Variants in SMYD1 observed in about 807,000 individuals in gnomAD.
SMYD1 encodes histone-lysine N-methyltransferase SMYD1.
Under a neutral mutation model 54.0 loss-of-function variants are expected in SMYD1, and 49 were observed. That is an observed-to-expected ratio of 0.91 (90% confidence interval 0.72 to 1.15). The LOEUF (loss-of-function observed/expected upper bound fraction) is 1.15. Among genes scored for constraint, SMYD1 ranks in the 50% most tolerant of loss-of-function variants. The pLI is 0.00. For synonymous variants in SMYD1, 269 were observed against 234.2 expected (o/e 1.15, Z -1.36); for missense variants, 653 against 639.6 (o/e 1.02, Z -0.23).
intron 1 of SMYD1, among the ~76,000 whole-genome samples, chr2:88,083,389 G>A (rs957695846): frequency 2.0e-5 from 3 of 151,908 alleles, no homozygotes; most frequent in Non-Finnish European, 2.9e-5. Context: ...TGGGATACAC[G>A]GGGCTCTCTA....
rs768292668 is a variant in SMYD1 at position 88,112,128 on chromosome 2, C to A, written c.*1616C>A. On this transcript the variant is annotated 3_prime_UTR_variant, in exon 10 of 10. Coordinates refer to ENST00000419482, the MANE Select transcript of SMYD1 (RefSeq NM_198274.4). ...TTTTACAAGAAGACTGATAGTCTTTCAAGCCCCCACATCACAGGCTTAGGG... is the reference window on the plus strand; with the variant it reads ...TTTTACAAGAAGACTGATAGTCTTTAAAGCCCCCACATCACAGGCTTAGGG... The A allele has an allele frequency of 6.5e-5, 46 of 703,300 alleles. 2 individuals are homozygous for A. Among genetic ancestry groups the A allele is most frequent in the South Asian group, 6.5e-4 (44 of 67,600 alleles). The allele number at this position is 703,300 out of a possible 1,614,324, so 43.6% of individuals were successfully genotyped here. A position where few individuals can be genotyped will look rare whatever the true frequency, so the allele number is the denominator to read the frequency against.
At position 88,106,424 on chromosome 2, in the gene SMYD1, C is replaced by A; in HGVS notation, c.1081C>A (p.Leu361Ile). ...GATGCTGAGCATTGTTTCGGAGGTCCTTTCCTACCTCCAGGCCTTTGAGGA... is the reference window on the plus strand; with the variant it reads ...GATGCTGAGCATTGTTTCGGAGGTCATTTCCTACCTCCAGGCCTTTGAGGA... ...LRMLSIVSEVLSYLQAFEEAS... is the reference protein window; with the variant it reads ...LRMLSIVSEVISYLQAFEEAS... Residue 361 changes from leucine (L) to isoleucine (I), a missense_variant, in exon 8 of 10, where the codon CTT becomes ATT. By Grantham distance (5) the Leu-to-Ile change is conservative. Coordinates refer to ENST00000419482, the MANE Select transcript of SMYD1 (RefSeq NM_198274.4). 1.2e-6 allele frequency: 2 copies of A among 1,614,142 alleles called. No homozygotes were observed. The highest frequency in any genetic ancestry group is 1.7e-6 in the Non-Finnish European group (2 of 1,180,036).
At chr2:88,099,222 G>C (rs913291690) in intron 6 of SMYD1, among the ~76,000 whole-genome samples, 1 of 152,090 alleles carries the variant, frequency 6.6e-6, no homozygotes, top group Non-Finnish European at 1.5e-5. Context: ...GAGTAGCTGG[G>C]ACCATGGTGC....
chr2:88,102,626 G>T (rs1674745229), intron 6 of SMYD1, among the ~76,000 whole-genome samples: 1 of 152,200 alleles, frequency 6.6e-6, no homozygotes. Flanking sequence ...GTGCTGGCTG[G>T]TATTTAAATC....
At chr2:88,091,432 A>G (rs1304580695) in intron 4 of SMYD1, among the ~76,000 whole-genome samples, 1 of 152,238 alleles carries the variant, frequency 6.6e-6, no homozygotes, top group Non-Finnish European at 1.5e-5. Context: ...GCCTAGGATT[A>G]TCTGTCTAGA....
chr2:88,096,266 C>T (rs765765024), intron 5 of SMYD1, among the ~76,000 whole-genome samples: 3 of 152,198 alleles, frequency 2.0e-5, no homozygotes, highest in Non-Finnish European at 4.4e-5. Context: ...TACAGACAAT[C>T]AGTAGCTAAA....
At chr2:88,104,324 C>T (rs1674806457) in intron 7 of SMYD1, among the ~76,000 whole-genome samples, 1 of 152,194 alleles carries the variant, frequency 6.6e-6, no homozygotes, top group African/African-American at 2.4e-5. Flanking sequence ...TCATTTATTG[C>T]ACATTTCTAA....
chr2:88,096,202 T>A (rs1674581683), intron 5 of SMYD1, among the ~76,000 whole-genome samples: 1 of 152,174 alleles, frequency 6.6e-6, no homozygotes, highest in Admixed American at 6.5e-5. Flanking sequence ...AGAAAATATT[T>A]TTAGGTTTTT....
intron 1 of SMYD1, among the ~76,000 whole-genome samples, chr2:88,075,562 GGGTCTC>G (rs1674043249): frequency 9.8e-6 from 1 of 102,378 alleles, no homozygotes; most frequent in Non-Finnish European, 2.2e-5. Flanking sequence ...TTTTGAGATA[GGGTCTC>G]ACTCTGTTGG....
chr2:88,076,871 G>A (rs1365611279), intron 1 of SMYD1, among the ~76,000 whole-genome samples: 5 of 152,140 alleles, frequency 3.3e-5, no homozygotes, highest in African/African-American at 1.2e-4. Flanking sequence ...AACAAGCCAA[G>A]CGTGGTGGCA....
intron 1 of SMYD1, among the ~76,000 whole-genome samples, chr2:88,077,930 G>A (rs1674106684): frequency 6.6e-6 from 1 of 152,004 alleles, no homozygotes; most frequent in African/African-American, 2.4e-5. Context: ...TCACTATGTT[G>A]GCCAGGCTGG....
rs1270039855 is a variant in SMYD1 at position 88,106,334 on chromosome 2, T to C, written c.991T>C (p.Leu331=). 6.2e-7 allele frequency: 1 copy of C among 1,613,978 alleles called. No homozygotes were observed. The highest frequency in any genetic ancestry group is 8.5e-7 in the Non-Finnish European group (1 of 1,180,006). Residue 331 remains leucine (L), a synonymous_variant, in exon 8 of 10, where the codon TTA becomes CTA. Coordinates refer to ENST00000419482, the MANE Select transcript of SMYD1 (RefSeq NM_198274.4). ...SEGLYHEVVK[L]CRECLEKQEP... ...CTCTGTCTCACTCTAGGTTGTGAAA[T>C]TATGCCGGGAGTGCCTGGAGAAGCA...
chr2:88,103,093 C>A lies in SMYD1; in HGVS notation c.924C>A (p.Phe308Leu). Residue 308 changes from phenylalanine (F) to leucine (L), a missense_variant, in exon 7 of 10, where the codon TTC becomes TTA. Transcript: ENST00000419482. ...AAGTGGTGAAGGAGATGATACAATT[C>A]TCCAAGGATACATTGGAAAAGATAG... is the stretch of plus-strand genomic sequence containing the variant. ...SQEVVKEMIQ[F>L]SKDTLEKIDK... 1 of 1,614,104 alleles carries A rather than the reference C, an allele frequency of 6.2e-7. No homozygotes were observed. Among genetic ancestry groups the A allele is most frequent in the Non-Finnish European group, 8.5e-7 (1 of 1,179,986 alleles).
intron 9 of SMYD1, among the ~76,000 whole-genome samples, chr2:88,108,804 G>T (rs1435245309): frequency 6.6e-6 from 1 of 152,202 alleles, no homozygotes; most frequent in Non-Finnish European, 1.5e-5. Flanking sequence ...TGTGGTGCTG[G>T]CATCTGCTTC....
At chr2:88,094,080 C>T (rs538649550) in intron 5 of SMYD1, among the ~76,000 whole-genome samples, 22 of 135,484 alleles carry the variant, frequency 1.6e-4, no homozygotes, top group African/African-American at 6.5e-4. Flanking sequence ...TTAATGACAA[C>T]CAAATGGCCC....
rs201666001 is a variant in SMYD1 at position 88,096,666 on chromosome 2, A to T, written c.770A>T (p.Asn257Ile). 6.2e-7 allele frequency: 1 copy of T among 1,614,172 alleles called. No homozygotes were observed. Among genetic ancestry groups the T allele is most frequent in the African/African-American group, 1.3e-5 (1 of 75,046 alleles). ...ELTVSYIDFL[N>I]VSEERKRQLK... ...ACTGTGTCCTATATTGACTTCCTCA[A>T]CGTTAGTGAAGAACGCAAGAGGCAG... The change falls in exon 6 of 10, where the codon AAC (asparagine) becomes ATC (isoleucine). Residue 257 changes from asparagine (N) to isoleucine (I), a missense_variant. Coordinates refer to ENST00000419482, the MANE Select transcript of SMYD1 (RefSeq NM_198274.4).
chr2:88,093,453 A>C, intron 4 of SMYD1, 64 bp from the exon 5 acceptor site: 1 of 1,581,600 alleles, frequency 6.3e-7, no homozygotes, highest in Non-Finnish European at 8.7e-7. Context: ...ACACCCTTGC[A>C]CTGGATCACA....
intron 1 of SMYD1, among the ~76,000 whole-genome samples, chr2:88,081,196 C>T (rs1674183047): frequency 6.6e-6 from 1 of 152,080 alleles, no homozygotes; most frequent in African/African-American, 2.4e-5. Context: ...AGCCACCGCG[C>T]CTGGCCTGGA....
chr2:88,077,011 C>CAAAA (rs112988082), intron 1 of SMYD1, among the ~76,000 whole-genome samples: 1 of 117,200 alleles, frequency 8.5e-6, no homozygotes, highest in Non-Finnish European at 1.8e-5. Context: ...GACCCTGTCT[C>CAAAA]AAAAAAAAAA....
Sources: gnomAD v4.1 joint callset for allele counts (sites outside exome capture counted in the v4.1 genomes callset) on GRCh38, gnomAD v4.1.1 for gene constraint, MANE v1.5 for transcripts, NCBI Gene and HGNC (gene_info 2026-07-23, HGNC 2026-07-21) for gene names.